Variants in CPD observed in about 807,000 individuals in gnomAD.
CPD encodes the protein carboxypeptidase D.
A neutral mutation model predicts 138.3 loss-of-function variants in CPD; 69 were observed. The ratio of observed to expected loss-of-function variants is 0.50; its 90% CI spans 0.41 to 0.61. CPD has a LOEUF of 0.61. CPD is among the 20% of genes least tolerant of loss of function. The pLI is 0.00. For synonymous variants in CPD, 651 were observed against 642.1 expected (o/e 1.01, Z -0.21); for missense variants, 1,432 against 1,733.3 (o/e 0.83, Z 3.09).
intron 2 of CPD, among the ~76,000 whole-genome samples, chr17:30,406,769 C>A (rs1911810264): frequency 6.6e-6 from 1 of 152,008 alleles, no homozygotes; most frequent in Admixed American, 6.6e-5. Flanking sequence ...GCAAAAAAAC[C>A]CTTAGATTAG....
intron 20 of CPD, among the ~76,000 whole-genome samples, chr17:30,463,455 A>T (rs946542884): frequency 1.3e-5 from 2 of 152,234 alleles, no homozygotes; most frequent in African/African-American, 4.8e-5. Flanking sequence ...TATTAAAGTC[A>T]TAAGTTCCTA....
chr17:30,423,661 T>A lies in CPD; in HGVS notation c.1813T>A (p.Ser605Thr). ...TAACACTAGAATTCACCTTATGCCA[T>A]CCATGAATCCTGATGGGTATGAAAA... ...VHNTRIHLMP[S>T]MNPDGYEKSQ... The change falls in exon 6 of 21, where the codon TCC becomes ACC. Residue 605 changes from serine to threonine, a missense_variant. Coordinates refer to ENST00000225719, the MANE Select transcript of CPD (RefSeq NM_001304.5). 1 of 1,603,968 alleles carries A rather than the reference T, an allele frequency of 6.2e-7. No homozygotes were observed. The highest frequency in any genetic ancestry group is 8.5e-7 in the Non-Finnish European group (1 of 1,175,996).
chr17:30,426,490 TG>T (rs1228568589), intron 6 of CPD, among the ~76,000 whole-genome samples: 1 of 152,174 alleles, frequency 6.6e-6, no homozygotes, highest in African/African-American at 2.4e-5. Flanking sequence ...AGCTTCTAGT[TG>T]GGAACCACAG....
At chr17:30,399,605 CTGAT>C (rs1255063325) in intron 2 of CPD, among the ~76,000 whole-genome samples, 8 of 152,202 alleles carry the variant, frequency 5.3e-5, no homozygotes, top group Non-Finnish European at 1.2e-4. Context: ...TCTATTTTAC[CTGAT>C]AGTCATATAG....
rs115003383 is a variant in CPD at position 30,464,728 on chromosome 17, A to G, written c.4057A>G (p.Thr1353Ala). The change falls in exon 21 of 21, where the codon ACC becomes GCC. Residue 1353 changes from threonine (T) to alanine (A), a missense_variant. Coordinates refer to ENST00000225719, the MANE Select transcript of CPD (RefSeq NM_001304.5). ...EYEDEIRMMSTGSKKSLLSHE... is the reference protein window; with the variant it reads ...EYEDEIRMMSAGSKKSLLSHE... ...TGAAGATGAAATTCGCATGATGTCT[A>G]CCGGCTCCAAGAAGTCCCTCCTAAG... 511 of 1,614,046 alleles carry G rather than the reference A, an allele frequency of 3.2e-4. 2 individuals carry two copies. The African/African-American group carries it at 4.7e-3, about 15-fold the overall frequency.
Position 30,379,164 on chromosome 17 carries a change from G to C in CPD, c.184G>C (p.Glu62Gln). Residue 62 changes from glutamate (E) to glutamine (Q), a missense_variant, in exon 1 of 21, where the codon GAG (glutamate) becomes CAG (glutamine). This residue lies in a region of CPD where 484 missense variants were observed against 477.2 expected (regional missense o/e 1.01). Transcript: ENST00000225719. The surrounding 1 kb of genome is among the most constrained non-coding windows in gnomAD (Gnocchi z 7.0). Reference protein sequence around the residue: ...EGQFDRYYHEEELESALREAA... With the variant: ...EGQFDRYYHEQELESALREAA... ...CCAGTTCGACCGCTACTACCACGAA[G>C]AGGAGTTGGAGTCGGCGCTGAGGGA... is the stretch of plus-strand genomic sequence containing the variant. The C allele has an allele frequency of 6.5e-7, 1 of 1,535,306 alleles. No individual in the cohort carries two copies. Among genetic ancestry groups the C allele is most frequent in the Non-Finnish European group, 8.7e-7 (1 of 1,144,332 alleles).
At chr17:30,446,620 G>A (rs1020663528) in intron 12 of CPD, among the ~76,000 whole-genome samples, 1 of 152,156 alleles carries the variant, frequency 6.6e-6, no homozygotes, top group Non-Finnish European at 1.5e-5. Context: ...ATTGTGAATA[G>A]TGCCACAATA....
chr17:30,390,226 A>G (rs1015809434), intron 2 of CPD, among the ~76,000 whole-genome samples: 1 of 152,118 alleles, frequency 6.6e-6, no homozygotes, highest in Non-Finnish European at 1.5e-5. Flanking sequence ...CATGTTGACC[A>G]GGCTGGTCTT....
At position 30,449,716 on chromosome 17, in the gene CPD, C is replaced by G; in HGVS notation, c.3037C>G (p.Leu1013Val). The G allele has an allele frequency of 6.3e-7, 1 of 1,577,648 alleles. No homozygotes were observed. The highest frequency in any genetic ancestry group is 8.6e-7 in the Non-Finnish European group (1 of 1,169,576). ...TTTGGCTCTGGCAGAATTTCTCTGC[C>G]TGAACTACAAAAAGAACCCAGCTGT... ...LLLALAEFLC[L>V]NYKKNPAVTQ... The change falls in exon 13 of 21, where the codon CTG becomes GTG. Residue 1013 changes from leucine to valine, a missense_variant. Physicochemically the swap from Leu to Val is conservative, Grantham distance 32 (BLOSUM62 1). This residue lies in a region of CPD where 366 missense variants were observed against 518.8 expected (regional missense o/e 0.71). Coordinates refer to ENST00000225719, the MANE Select transcript of CPD (RefSeq NM_001304.5).
rs1375080188 is a variant in CPD at position 30,466,642 on chromosome 17, T to G, written c.*1828T>G. ...GGTGTATTGCTCTTTTTCAGCTTTA[T>G]TTTTAAGAGTACAGTCAGGAAACCA... On this transcript the variant is annotated 3_prime_UTR_variant, in exon 21 of 21. Coordinates refer to ENST00000225719, the MANE Select transcript of CPD (RefSeq NM_001304.5). The G allele has an allele frequency of 6.6e-6, 1 of 152,624 alleles. No homozygotes were observed. 9.5% of individuals were successfully genotyped at this position (152,624 alleles called of 1,614,324 possible).
At chr17:30,455,575 C>G in intron 15 of CPD, 105 bp downstream of exon 15, 2 of 1,303,564 alleles carry the variant, frequency 1.5e-6, no homozygotes, top group Non-Finnish European at 2.1e-6. Flanking sequence ...CATTTGAGCA[C>G]ACTCTATGAG....
At chr17:30,434,664 A>T (rs1912653384) in intron 8 of CPD, among the ~76,000 whole-genome samples, 1 of 152,162 alleles carries the variant, frequency 6.6e-6, no homozygotes, top group Non-Finnish European at 1.5e-5. Flanking sequence ...AGAGGCAAAG[A>T]TAGAAATGAA....
At chr17:30,437,457 G>A (rs1194006782) in intron 8 of CPD, among the ~76,000 whole-genome samples, 2 of 152,042 alleles carry the variant, frequency 1.3e-5, no homozygotes, top group East Asian at 3.9e-4. Flanking sequence ...GGCCGAGGTG[G>A]GCAGATTCGT....
At position 30,397,991 on chromosome 17, in the gene CPD, A is replaced by G. The variant is rs529057502; in HGVS notation, c.994+12755A>G. ...CCAGGAGTTCGAGACCAGCCTGGGC[A>G]AAATAGTGAGACACTGTCTCTACAA... On this transcript the variant is annotated intron_variant, in intron 2 of 20. Coordinates refer to ENST00000225719, the MANE Select transcript of CPD (RefSeq NM_001304.5). Among the ~76,000 whole-genome samples, 3 of 151,450 alleles carry G rather than the reference A, an allele frequency of 2.0e-5. No homozygotes were observed. In the South Asian group the frequency reaches 6.2e-4, roughly 31 times the overall value.
chr17:30,384,061 G>C (rs1169054548), intron 1 of CPD, among the ~76,000 whole-genome samples: 1 of 152,134 alleles, frequency 6.6e-6, no homozygotes, highest in Non-Finnish European at 1.5e-5. Context: ...TTCTTTTACA[G>C]GAGCAGCCTT....
chr17:30,410,118 A>G (rs1040558112), intron 2 of CPD, among the ~76,000 whole-genome samples: 26 of 152,186 alleles, frequency 1.7e-4, no homozygotes, highest in Non-Finnish European at 4.4e-5. Context: ...TTATTTATCC[A>G]GTAGTCATTC....
At chr17:30,429,163 T>A (rs2143434477) in intron 7 of CPD, among the ~76,000 whole-genome samples, 1 of 152,338 alleles carries the variant, frequency 6.6e-6, no homozygotes, top group South Asian at 2.1e-4. Context: ...AACTATGAAG[T>A]TATACCCTGG....
intron 2 of CPD, among the ~76,000 whole-genome samples, chr17:30,410,566 G>C (rs1911936305): frequency 6.6e-6 from 1 of 152,180 alleles, no homozygotes; most frequent in South Asian, 2.1e-4. Context: ...ATGTATTTAG[G>C]ATAGTTAGCT....
chr17:30,432,011 G>A (rs1240383374), intron 8 of CPD, 130 bp downstream of exon 8: 10 of 639,894 alleles, frequency 1.6e-5, no homozygotes, highest in South Asian at 4.1e-5. Flanking sequence ...AGCTGTTTCC[G>A]AAAAATAGCT....
Sources: allele counts gnomAD v4.1 joint callset (sites outside exome capture counted in the v4.1 genomes callset), GRCh38; gene constraint gnomAD v4.1.1; regional missense constraint gnomAD v4.1.1; non-coding constraint Gnocchi (gnomAD v3.1); transcripts MANE v1.5; gene names NCBI Gene and HGNC (gene_info 2026-07-23, HGNC 2026-07-21).